Variants in HIBCH observed in about 807,000 individuals in gnomAD.
HIBCH encodes the protein 3-hydroxyisobutyryl-CoA hydrolase, mitochondrial.
Under a neutral mutation model 58.2 loss-of-function variants are expected in HIBCH, and 50 were observed. The observed-to-expected ratio is 0.86, with a 90% CI of 0.68 to 1.09. The LOEUF is 1.09. Among genes scored for constraint, HIBCH ranks in the 50% least tolerant of loss-of-function variants. The pLI is 0.00. For missense variants in HIBCH, 450 were observed against 449.7 expected (o/e 1.00, Z -0.01); for synonymous variants, 151 against 146.9 (o/e 1.03, Z -0.20).
At chr2:190,262,223 A>G (rs1050120584) in intron 6 of HIBCH, among the ~76,000 whole-genome samples, 1 of 152,044 alleles carries the variant, frequency 6.6e-6, no homozygotes, top group African/African-American at 2.4e-5. Flanking sequence ...TGCAGTCTGT[A>G]CAAGACAGAA....
chr2:190,298,704 C>T (rs764748206), intron 2 of HIBCH, among the ~76,000 whole-genome samples: 1 of 151,998 alleles, frequency 6.6e-6, no homozygotes, highest in African/African-American at 2.4e-5. Flanking sequence ...TTCATGTTCA[C>T]TCTGATGATA....
intron 4 of HIBCH, among the ~76,000 whole-genome samples, chr2:190,290,934 C>A (rs1375895237): frequency 4.6e-5 from 7 of 151,930 alleles, no homozygotes; most frequent in Non-Finnish European, 8.8e-5. Context: ...TCATTTGAGC[C>A]CAGGATATTG....
rs369180454 is a variant in HIBCH at position 190,304,307 on chromosome 2, C to T, written c.78+6447G>A. The stretch of plus-strand genomic sequence containing the variant: ...TTTCCTTAGTTATGGAGGCTGATGT[C>T]CAAAGTCAAAAGGATACATCTAGTG... On this transcript the variant is annotated intron_variant, in intron 2 of 13. Coordinates refer to ENST00000359678, the MANE Select transcript of HIBCH (RefSeq NM_014362.4). The surrounding 1 kb of genome is among the most constrained non-coding windows in gnomAD (Gnocchi z 4.1). 7.3e-5 allele frequency among the ~76,000 whole-genome samples: 11 copies of T among 151,282 alleles called. No individual in the cohort carries two copies. The highest frequency in any genetic ancestry group is 2.7e-4 in the African/African-American group (11 of 41,168).
At chr2:190,292,876 C>G (rs1687992585) in intron 4 of HIBCH, among the ~76,000 whole-genome samples, 1 of 152,074 alleles carries the variant, frequency 6.6e-6, no homozygotes, top group Non-Finnish European at 1.5e-5. Context: ...TCAATTAGTT[C>G]CATCTAAATT....
At chr2:190,232,712 A>C (rs1559024168) in intron 11 of HIBCH, among the ~76,000 whole-genome samples, 1 of 152,310 alleles carries the variant, frequency 6.6e-6, no homozygotes, top group East Asian at 1.9e-4. Flanking sequence ...TAATCCCAGC[A>C]CTTTGGGAGG....
At chr2:190,251,507 C>A in intron 8 of HIBCH, 2 of 441,438 alleles carry the variant, frequency 4.5e-6, no homozygotes, top group South Asian at 3.4e-5. Context: ...GGGTCTTCTG[C>A]CACATGTAAC....
chr2:190,216,903 T>C lies in HIBCH; in HGVS notation c.892-3828A>G, dbSNP rs1685562685. On this transcript the variant is annotated intron_variant, in intron 11 of 13. Transcript: ENST00000359678. The surrounding 1 kb of genome is among the most constrained non-coding windows in gnomAD (Gnocchi z 4.2). The stretch of plus-strand genomic sequence containing the variant: ...CCAGAGCGGGACAAACCAGAGACCC[T>C]TTGCAGTTGCTGGGTCACCAGCAGG... Among the ~76,000 whole-genome samples, 1 of 152,074 alleles carries C rather than the reference T, an allele frequency of 6.6e-6. No homozygotes were observed. The highest frequency in any genetic ancestry group is 6.5e-5 in the Admixed American group (1 of 15,268).
intron 1 of HIBCH, among the ~76,000 whole-genome samples, chr2:190,314,389 ATGTATATATATACGTATATATG>A (rs1199459724): frequency 1.1e-5 from 1 of 94,182 alleles, no homozygotes; most frequent in African/African-American, 4.3e-5. Flanking sequence ...GTGTATATAT[ATGTATATATATACGTATATATG>A]TGTATATATA....
intron 12 of HIBCH, among the ~76,000 whole-genome samples, 153 bp downstream of exon 12, chr2:190,212,803 C>T (rs1690542447): frequency 1.3e-5 from 2 of 152,206 alleles, no homozygotes; most frequent in Non-Finnish European, 2.9e-5. Context: ...TACTTCCACA[C>T]ATCTAAAACT....
intron 6 of HIBCH, among the ~76,000 whole-genome samples, chr2:190,283,547 G>T (rs977903063): frequency 6.6e-6 from 1 of 152,122 alleles, no homozygotes; most frequent in African/African-American, 2.4e-5. Flanking sequence ...TTACATTCGA[G>T]TGCTATTTCT....
chr2:190,230,195 C>T (rs781619007), intron 11 of HIBCH, among the ~76,000 whole-genome samples: 1 of 151,988 alleles, frequency 6.6e-6, no homozygotes, highest in Non-Finnish European at 1.5e-5. Flanking sequence ...CTGGTGTGAA[C>T]TCTCTTTTCT....
chr2:190,202,769 T>C (rs920475828), downstream of HIBCH: 1 of 167,042 alleles, frequency 6.0e-6, no homozygotes, highest in African/African-American at 2.4e-5. Context: ...AGCCTCCAGG[T>C]GGCAACATGG....
chr2:190,213,497 A>G, intron 11 of HIBCH: 1 of 197,038 alleles, frequency 5.1e-6, no homozygotes, highest in Non-Finnish European at 1.0e-5. Context: ...CAGAAGAAAC[A>G]GGATACTAGG....
intron 7 of HIBCH, among the ~76,000 whole-genome samples, chr2:190,257,016 G>A (rs1686944074): frequency 6.6e-6 from 1 of 152,034 alleles, no homozygotes; most frequent in Non-Finnish European, 1.5e-5. Flanking sequence ...CGGAATGGGT[G>A]GAAAAAAAGT....
chr2:190,265,990 CTTT>C (rs879496964), intron 6 of HIBCH, among the ~76,000 whole-genome samples: 1 of 145,026 alleles, frequency 6.9e-6, no homozygotes, highest in Non-Finnish European at 1.5e-5. Flanking sequence ...GATTTTAAAT[CTTT>C]TTTTTTTTGT....
chr2:190,209,012 G>T lies in HIBCH; in HGVS notation c.1012-99C>A. ...TTCACTTCAGCCTTCCACTCCCATG[G>T]CCACAACCTGAACCATGACATTCAG... On this transcript the variant is annotated intron_variant, in intron 12 of 13. Transcript: ENST00000359678. The surrounding 1 kb of genome is among the most constrained non-coding windows in gnomAD (Gnocchi z 5.6). The T allele has an allele frequency of 3.0e-6, 3 of 1,003,704 alleles. No individual in the cohort carries two copies. Among genetic ancestry groups the T allele is most frequent in the Non-Finnish European group, 4.6e-6 (3 of 650,984 alleles). 62.2% of individuals were successfully genotyped at this position (1,003,704 alleles called of 1,614,324 possible).
intron 2 of HIBCH, among the ~76,000 whole-genome samples, chr2:190,307,563 G>A (rs1326784418): frequency 6.6e-6 from 1 of 152,048 alleles, no homozygotes; most frequent in African/African-American, 2.4e-5. Context: ...TAGCTACTCG[G>A]GAGGCTAAGG....
chr2:190,258,624 T>C (rs1686998165), intron 7 of HIBCH, among the ~76,000 whole-genome samples: 2 of 152,254 alleles, frequency 1.3e-5, no homozygotes, highest in Admixed American at 1.3e-4. Flanking sequence ...CATGTGTATA[T>C]ACGACAACAA....
rs7594572 is a variant in HIBCH at position 190,314,424 on chromosome 2, T to C, written c.36-3628A>G. Among the ~76,000 whole-genome samples, 5 of 149,870 alleles carry C rather than the reference T, an allele frequency of 3.3e-5. No individual in the cohort carries two copies. The East Asian group carries it at 5.8e-4, about 17-fold the overall frequency. The stretch of plus-strand genomic sequence containing the variant: ...ATACGTATATATGTGTATATATATA[T>C]ACACACACAACCAAATTCCTTGTCA... On this transcript the variant is annotated intron_variant, in intron 1 of 13. Coordinates refer to ENST00000359678, the MANE Select transcript of HIBCH (RefSeq NM_014362.4).
Sources: allele counts gnomAD v4.1 joint callset (sites outside exome capture counted in the v4.1 genomes callset), GRCh38; gene constraint gnomAD v4.1.1; non-coding constraint Gnocchi (gnomAD v3.1); transcripts MANE v1.5; gene names NCBI Gene and HGNC (gene_info 2026-07-23, HGNC 2026-07-21).